TRHDE: variants seen among roughly 807,000 people sequenced by gnomAD.
TRHDE encodes the protein thyrotropin releasing hormone degrading enzyme.
In TRHDE, 72 loss-of-function variants were observed where a neutral mutation model predicts 125.7. That is an observed-to-expected ratio of 0.57 (90% confidence interval 0.47 to 0.70). TRHDE has a LOEUF of 0.70. TRHDE is among the 30% of genes least tolerant of loss of function. TRHDE has a pLI of 0.00. For missense variants in TRHDE, 1,110 were observed against 1,327.1 expected, an observed-to-expected ratio of 0.84 and a Z score of 2.54; for synonymous variants, 509 against 509.1, an observed-to-expected ratio of 1.00 and a Z score of 0.00.
intron 12 of TRHDE, chr12:72,611,175 G>T: frequency 5.1e-6 from 1 of 194,778 alleles, no homozygotes; most frequent in South Asian, 1.2e-4. Flanking sequence ...TCAGTGACAT[G>T]AGTTTTGTCC....
chr12:72,458,352 G>A (rs1000435291), intron 3 of TRHDE, among the ~76,000 whole-genome samples: 1 of 152,092 alleles, frequency 6.6e-6, no homozygotes, highest in African/African-American at 2.4e-5. Flanking sequence ...ACTCTTAAAT[G>A]ATGCGATGTC....
intron 12 of TRHDE, among the ~76,000 whole-genome samples, chr12:72,578,749 G>A (rs1871113105): frequency 6.6e-6 from 1 of 152,046 alleles, no homozygotes; most frequent in Non-Finnish European, 1.5e-5. Flanking sequence ...TTTATGCCAC[G>A]ACTTGTTGTG....
chr12:72,356,697 A>C (rs139442590), intron 2 of TRHDE, among the ~76,000 whole-genome samples: 9 of 151,508 alleles, frequency 5.9e-5, no homozygotes, highest in Non-Finnish European at 1.2e-4. Flanking sequence ...ATAGATTAAA[A>C]ATTTGTTAAA....
chr12:72,410,650 TA>T (rs1873455654), intron 3 of TRHDE, among the ~76,000 whole-genome samples: 1 of 152,040 alleles, frequency 6.6e-6, no homozygotes, highest in Non-Finnish European at 1.5e-5. Context: ...AGAAAAACAA[TA>T]AAAGTCAACA....
intron 2 of TRHDE, among the ~76,000 whole-genome samples, chr12:72,238,310 A>G (rs1373115952): frequency 8.6e-5 from 3 of 34,826 alleles, no homozygotes; most frequent in East Asian, 1.4e-3. Context: ...ATATATATAT[A>G]TATATATATA....
chr12:72,648,434 T>G (rs776597589), intron 15 of TRHDE, among the ~76,000 whole-genome samples: 2 of 152,124 alleles, frequency 1.3e-5, no homozygotes, highest in Non-Finnish European at 2.9e-5. Flanking sequence ...AACGGCATCC[T>G]AATTGAAAAG....
intron 2 of TRHDE, among the ~76,000 whole-genome samples, chr12:72,115,802 G>A (rs966085543): frequency 2.6e-5 from 4 of 152,098 alleles, no homozygotes; most frequent in African/African-American, 9.7e-5. Context: ...AATCAATGAT[G>A]TTGAACACCT....
chr12:72,429,811 A>G (rs909143898), intron 3 of TRHDE, among the ~76,000 whole-genome samples: 1 of 152,120 alleles, frequency 6.6e-6, no homozygotes, highest in African/African-American at 2.4e-5. Flanking sequence ...GGCCATTCAT[A>G]TATCTTTGGA....
intron 6 of TRHDE, among the ~76,000 whole-genome samples, chr12:72,515,429 A>G (rs1414429354): frequency 6.6e-6 from 1 of 151,448 alleles, no homozygotes; most frequent in Non-Finnish European, 1.5e-5. Flanking sequence ...GGCTGCATAA[A>G]TGTCTTCTTT....
chr12:72,543,590 A>G (rs1354051846), intron 7 of TRHDE, among the ~76,000 whole-genome samples: 1 of 151,292 alleles, frequency 6.6e-6, no homozygotes, highest in East Asian at 1.9e-4. Flanking sequence ...GTTTTTCCCC[A>G]TTGAAGTTGT....
At chr12:72,323,628 C>T (rs577802266) in intron 2 of TRHDE, among the ~76,000 whole-genome samples, 45 of 152,142 alleles carry the variant, frequency 3.0e-4, no homozygotes, top group African/African-American at 9.9e-4. Flanking sequence ...GAAGCTAATC[C>T]GTAGGCTGTG....
chr12:72,405,553 G>A (rs1013749052), intron 3 of TRHDE, among the ~76,000 whole-genome samples: 6 of 152,098 alleles, frequency 3.9e-5, no homozygotes, highest in Non-Finnish European at 8.8e-5. Flanking sequence ...GAAAGCTTCT[G>A]TTATTTCTTT....
At chr12:72,161,132 T>C (rs919825896) in intron 2 of TRHDE, among the ~76,000 whole-genome samples, 1 of 152,166 alleles carries the variant, frequency 6.6e-6, no homozygotes, top group Non-Finnish European at 1.5e-5. Flanking sequence ...TTATTAGTTG[T>C]AGCAAATAAA....
intron 12 of TRHDE, among the ~76,000 whole-genome samples, chr12:72,579,282 T>C (rs1371956280): frequency 1.3e-5 from 2 of 152,060 alleles, no homozygotes; most frequent in African/African-American, 4.8e-5. Flanking sequence ...TTATAATGAA[T>C]GGTATATATT....
At chr12:72,517,597 T>C (rs1378998628) in intron 6 of TRHDE, among the ~76,000 whole-genome samples, 1 of 152,190 alleles carries the variant, frequency 6.6e-6, no homozygotes, top group Non-Finnish European at 1.5e-5. Context: ...AAAAACCAGC[T>C]CCTGGATTCA....
intron 5 of TRHDE, among the ~76,000 whole-genome samples, chr12:72,492,488 AGAT>A (rs1877726692): frequency 6.6e-6 from 1 of 151,954 alleles, no homozygotes; most frequent in African/African-American, 2.4e-5. Context: ...TGCTTACAAA[AGAT>A]GATAATTGCA....
chr12:72,280,357 G>A (rs1234030449), intron 1 of TRHDE, among the ~76,000 whole-genome samples: 1 of 152,182 alleles, frequency 6.6e-6, no homozygotes. Flanking sequence ...CATGGCTGGA[G>A]ATCTGCTACT....
chr12:72,343,614 T>C (rs1268261296), intron 2 of TRHDE, among the ~76,000 whole-genome samples: 3 of 152,170 alleles, frequency 2.0e-5, no homozygotes, highest in African/African-American at 7.2e-5. Context: ...CTGTTTATTA[T>C]GCCAATTGTT....
chr12:72,192,181 C>G (rs1232498680), intron 2 of TRHDE, among the ~76,000 whole-genome samples: 1 of 152,004 alleles, frequency 6.6e-6, no homozygotes, highest in Non-Finnish European at 1.5e-5. Context: ...TCTGCGTGAA[C>G]CTGGAGGACC....
Sources: gnomAD v4.1 joint callset for allele counts (sites outside exome capture counted in the v4.1 genomes callset) on GRCh38, gnomAD v4.1.1 for gene constraint, MANE v1.5 for transcripts, NCBI Gene and HGNC (gene_info 2026-07-23, HGNC 2026-07-21) for gene names.